The following LIPK variants were observed in gnomAD, a reference collection of about 807,000 sequenced individuals.
LIPK encodes lipase family member K, also known as lipase member K.
In LIPK, 32 loss-of-function variants were observed where a neutral mutation model predicts 48.6. The ratio of observed to expected loss-of-function variants is 0.66; its 90% CI spans 0.50 to 0.88. The LOEUF is 0.88. Among genes scored for constraint, LIPK ranks in the 40% least tolerant of loss-of-function variants. The probability of loss-of-function intolerance (pLI) is 0.00; values close to 1 mark genes in which losing one functional copy is unlikely to be tolerated. For missense variants in LIPK, 507 were observed against 478.5 expected (o/e 1.06, Z -0.56); for synonymous variants, 164 against 157.4 (o/e 1.04, Z -0.32).
intron 1 of LIPK, among the ~76,000 whole-genome samples, chr10:88,720,634 G>A (rs1842204072): frequency 1.3e-5 from 2 of 151,964 alleles, no homozygotes; most frequent in Admixed American, 6.6e-5. Flanking sequence ...AATAAGTGAT[G>A]TTTATAGCAT....
At chr10:88,723,543 CT>C (rs1354687803) in intron 1 of LIPK, among the ~76,000 whole-genome samples, 19 of 152,184 alleles carry the variant, frequency 1.2e-4, no homozygotes, top group Admixed American at 8.5e-4. Context: ...CAAAGTTGTT[CT>C]TTGCTTTAAA....
intron 8 of LIPK, 140 bp from the exon 9 acceptor site, chr10:88,743,110 T>C (rs1305063482): frequency 1.8e-6 from 1 of 550,936 alleles, no homozygotes; most frequent in East Asian, 2.9e-5. Context: ...TATTACTTAT[T>C]TTCTTAATCT....
intron 9 of LIPK, among the ~76,000 whole-genome samples, chr10:88,745,977 A>G (rs1041034025): frequency 6.6e-6 from 1 of 152,226 alleles, no homozygotes; most frequent in Admixed American, 6.5e-5. Context: ...AGGGGTTGCT[A>G]TTCTTGCTTC....
rs753812501 is a variant in LIPK, at chr10:88,732,388, A to G, written c.533-27A>G. The G allele has an allele frequency of 1.2e-5, 19 of 1,599,846 alleles. No individual in the cohort carries two copies. The South Asian group carries it at 1.2e-4, about 11-fold the overall frequency. The stretch of plus-strand genomic sequence containing the variant: ...ATGAACAAATAATTATCTGAAAACT[A>G]TGAACTACTGTCTTCTTCCATTTCA... On this transcript the variant is annotated intron_variant, in intron 5 of 9. Coordinates refer to ENST00000404190, the MANE Select transcript of LIPK (RefSeq NM_001080518.2).
chr10:88,738,258 C>G (rs1373631100), intron 7 of LIPK, among the ~76,000 whole-genome samples: 1 of 152,118 alleles, frequency 6.6e-6, no homozygotes, highest in East Asian at 1.9e-4. Context: ...TCAAGGGGTA[C>G]CGAGAGGGAT....
chr10:88,719,372 G>T (rs1423872550), intron 1 of LIPK, among the ~76,000 whole-genome samples: 1 of 152,188 alleles, frequency 6.6e-6, no homozygotes, highest in Non-Finnish European at 1.5e-5. Flanking sequence ...TCTACAATGT[G>T]CGGCTTCACT....
intron 3 of LIPK, chr10:88,728,756 G>A: frequency 4.0e-6 from 1 of 250,732 alleles, no homozygotes; most frequent in Non-Finnish European, 8.1e-6. Flanking sequence ...CACAAGCTCT[G>A]CCCTCAGCTA....
chr10:88,718,582 T>G, intron 1 of LIPK, among the ~76,000 whole-genome samples: 1 of 152,084 alleles, frequency 6.6e-6, no homozygotes, highest in East Asian at 1.9e-4. Context: ...CTCATAAGAA[T>G]TTTATACTCA....
intron 6 of LIPK, among the ~76,000 whole-genome samples, chr10:88,734,755 GA>G (rs1842537442): frequency 6.6e-6 from 1 of 152,150 alleles, no homozygotes; most frequent in African/African-American, 2.4e-5. Context: ...CACATCAGCT[GA>G]TAGATATTGG....
chr10:88,738,699 G>A (rs1187611680), intron 7 of LIPK, among the ~76,000 whole-genome samples: 1 of 152,212 alleles, frequency 6.6e-6, no homozygotes, highest in Non-Finnish European at 1.5e-5. Flanking sequence ...CACCCTCTCA[G>A]CATAGCCTAA....
chr10:88,718,143 T>C (rs1330263915), intron 1 of LIPK, among the ~76,000 whole-genome samples: 2 of 151,612 alleles, frequency 1.3e-5, no homozygotes, highest in Admixed American at 6.6e-5. Flanking sequence ...TTCTTTTCCA[T>C]ATCTTTCTTA....
At position 88,752,621 on chromosome 10, in the gene LIPK, T is replaced by C; in HGVS notation, c.1065T>C (p.Leu355=). ...ATCCCAAGGATGTTGAAAATTTACT[T>C]CCTCAAATTGCTAACCTTATTTATT... ...VADPKDVENL[L]PQIANLIYYK... Residue 355 remains leucine (L), a synonymous_variant, in exon 10 of 10, where the codon CTT becomes CTC. Coordinates refer to ENST00000404190, the MANE Select transcript of LIPK (RefSeq NM_001080518.2). The C allele has an allele frequency of 1.9e-6, 3 of 1,572,298 alleles. No homozygotes were observed. Among genetic ancestry groups the C allele is most frequent in the Non-Finnish European group, 2.6e-6 (3 of 1,156,550 alleles).
chr10:88,718,030 G>A (rs1842152648), intron 1 of LIPK, among the ~76,000 whole-genome samples: 1 of 151,506 alleles, frequency 6.6e-6, no homozygotes, highest in Non-Finnish European at 1.5e-5. Context: ...GATCATATAG[G>A]TAATATCGAT....
At chr10:88,715,817 T>C (rs1345559240) in intron 1 of LIPK, among the ~76,000 whole-genome samples, 2 of 151,870 alleles carry the variant, frequency 1.3e-5, no homozygotes, top group Non-Finnish European at 2.9e-5. Context: ...TTTCCTTCCT[T>C]CCTTGCCTGT....
At chr10:88,714,614 TTTAAG>T (rs1454991969) in intron 1 of LIPK, among the ~76,000 whole-genome samples, 2 of 152,170 alleles carry the variant, frequency 1.3e-5, no homozygotes, top group South Asian at 2.1e-4. Flanking sequence ...GAAATGGTTT[TTTAAG>T]TTGTGTTTTT....
At chr10:88,746,582 T>C (rs186415422) in intron 9 of LIPK, among the ~76,000 whole-genome samples, 37 of 152,082 alleles carry the variant, frequency 2.4e-4, no homozygotes, top group African/African-American at 8.7e-4. Context: ...AAAACAAAGA[T>C]ACAATATACC....
chr10:88,719,014 T>C (rs371533610), intron 1 of LIPK, among the ~76,000 whole-genome samples: 1 of 152,172 alleles, frequency 6.6e-6, no homozygotes, highest in Non-Finnish European at 1.5e-5. Flanking sequence ...TAAAAAGTTA[T>C]AAATACGAAG....
Position 88,731,324 on chromosome 10 carries a change from A to G in LIPK, c.422+143A>G, listed in dbSNP as rs1842463314. The G allele has an allele frequency of 7.3e-6, 5 of 686,392 alleles. No homozygotes were observed. In the South Asian group the frequency reaches 1.3e-4, roughly 18 times the overall value. The allele number at this position is 686,392 out of a possible 1,614,324, so 42.5% of individuals were successfully genotyped here. A position where few individuals can be genotyped will look rare whatever the true frequency, so the allele number is the denominator to read the frequency against. ...AAACAAACCTTTCTTTCTCTACCCA[A>G]ACTTTCTTCACAGGCTCTAAAGAAC... On this transcript the variant is annotated intron_variant, in intron 4 of 9. Coordinates refer to ENST00000404190, the MANE Select transcript of LIPK (RefSeq NM_001080518.2).
intron 5 of LIPK, 59 bp downstream of exon 5, chr10:88,732,346 AT>A (rs1483583084): frequency 6.9e-6 from 11 of 1,596,028 alleles, no homozygotes; most frequent in Non-Finnish European, 9.4e-6. Context: ...ATATGGCTAC[AT>A]TTACTACAAC....
Sources: allele counts gnomAD v4.1 joint callset (sites outside exome capture counted in the v4.1 genomes callset), GRCh38; gene constraint gnomAD v4.1.1; transcripts MANE v1.5; gene names NCBI Gene and HGNC (gene_info 2026-07-23, HGNC 2026-07-21).